Variants in SHLD1 observed in about 807,000 individuals in gnomAD.
SHLD1 encodes shieldin complex subunit 1.
SHLD1 carries 3 observed loss-of-function variants against 5.5 expected under a neutral mutation model. The ratio of observed to expected loss-of-function variants is 0.54; its 90% CI spans 0.25 to 1.40. The LOEUF is 1.40. SHLD1 is among the 40% of genes most tolerant of loss of function. The probability of loss-of-function intolerance (pLI) is 0.15; values close to 1 mark genes in which losing one functional copy is unlikely to be tolerated. For missense variants in SHLD1, 210 were observed against 244.4 expected (o/e 0.86, Z 0.94); for synonymous variants, 92 against 94.3 (o/e 0.98, Z 0.14).
chr20:5,779,501 T>G (rs1985591472), intron 2 of SHLD1, among the ~76,000 whole-genome samples: 1 of 152,190 alleles, frequency 6.6e-6, no homozygotes, highest in Non-Finnish European at 1.5e-5. Context: ...TTAATCTAAT[T>G]CTGATGACTC....
rs1467661351 is a variant in SHLD1, at chr20:5,764,135, A to ATATAT, written c.-4-8727_-4-8726insTATAT. ...GAGCAAGGCTCTGTCTCAAAAAAAA[A>ATATAT]AAAAATATATATATATTTATATTTA... On this transcript the variant is annotated intron_variant, in intron 1 of 2. Transcript: ENST00000303142. 2.3e-3 allele frequency among the ~76,000 whole-genome samples: 219 copies of ATATAT among 96,216 alleles called. 3 individuals are homozygous for ATATAT. In the East Asian group the frequency reaches 0.031, roughly 14 times the overall value. The allele number at this position is 96,216 out of a possible 152,430, so 63.1% of individuals were successfully genotyped here.
intron 2 of SHLD1, among the ~76,000 whole-genome samples, chr20:5,776,591 T>A (rs1297421179): frequency 2.0e-5 from 3 of 151,850 alleles, no homozygotes; most frequent in Non-Finnish European, 4.4e-5. Context: ...GGTAAAACCC[T>A]GTCTCTAATA....
chr20:5,832,587 G>A (rs1344206630), intron 2 of SHLD1, among the ~76,000 whole-genome samples: 1 of 152,036 alleles, frequency 6.6e-6, no homozygotes, highest in Non-Finnish European at 1.5e-5. Flanking sequence ...ATAGGCATGT[G>A]TCATCACACC....
intron 2 of SHLD1, among the ~76,000 whole-genome samples, chr20:5,850,022 TA>T (rs2087985544): frequency 6.8e-6 from 1 of 147,506 alleles, no homozygotes; most frequent in South Asian, 2.1e-4. Context: ...CTTATGCCTG[TA>T]ATCTCAGCAC....
At chr20:5,794,440 AG>A (rs1372925148) in intron 2 of SHLD1, among the ~76,000 whole-genome samples, 2 of 152,248 alleles carry the variant, frequency 1.3e-5, no homozygotes, top group Admixed American at 1.3e-4. Context: ...TTCCTGGGAC[AG>A]GCCCCTTACA....
intron 2 of SHLD1, among the ~76,000 whole-genome samples, chr20:5,844,141 T>C (rs76821957): frequency 6.6e-6 from 1 of 152,184 alleles, no homozygotes; most frequent in African/African-American, 2.4e-5. Flanking sequence ...TTGAGAGTGA[T>C]CTCCTATAAC....
At chr20:5,812,081 TTTTTTTTTC>T (rs1458627777) in intron 2 of SHLD1, among the ~76,000 whole-genome samples, 24 of 149,006 alleles carry the variant, frequency 1.6e-4, no homozygotes, top group African/African-American at 6.0e-4. Context: ...TTTTTTTTTC[TTTTTTTTTC>T]TTTTTTTTTT....
At chr20:5,815,268 A>G (rs575364630) in intron 2 of SHLD1, among the ~76,000 whole-genome samples, 1 of 152,186 alleles carries the variant, frequency 6.6e-6, no homozygotes, top group Non-Finnish European at 1.5e-5. Context: ...TTTAATTGGT[A>G]TATAGGGCAG....
At chr20:5,844,795 A>ATTTTTTTTTTTTT (rs1258738443) in intron 2 of SHLD1, among the ~76,000 whole-genome samples, 1 of 105,064 alleles carries the variant, frequency 9.5e-6, no homozygotes, top group Admixed American at 1.0e-4. Flanking sequence ...ATATATATAT[A>ATTTTTTTTTTTTT]TATATTTTTT....
intron 1 of SHLD1, chr20:5,771,929 C>T (rs565924245): frequency 6.1e-6 from 2 of 330,424 alleles, no homozygotes; most frequent in Non-Finnish European, 5.8e-6. Flanking sequence ...GGCTGGAGTG[C>T]AATAGCACGG....
chr20:5,791,301 C>G (rs2087135784), intron 2 of SHLD1, among the ~76,000 whole-genome samples: 1 of 151,620 alleles, frequency 6.6e-6, no homozygotes, highest in Non-Finnish European at 1.5e-5. Flanking sequence ...ACAGTGGCTT[C>G]CACCTGTAAT....
chr20:5,764,158 T>TATATATAAAATA (rs1568490077), intron 1 of SHLD1, among the ~76,000 whole-genome samples: 1 of 72,048 alleles, frequency 1.4e-5, no homozygotes, highest in African/African-American at 5.2e-5. Context: ...ATATTTATAT[T>TATATATAAAATA]TATATATATA....
At chr20:5,823,773 GT>G (rs2087635140) in intron 2 of SHLD1, among the ~76,000 whole-genome samples, 1 of 152,086 alleles carries the variant, frequency 6.6e-6, no homozygotes, top group Non-Finnish European at 1.5e-5. Flanking sequence ...TTCTAAGAAA[GT>G]TTACACAGTT....
At chr20:5,846,032 C>G (rs1417481183) in intron 2 of SHLD1, among the ~76,000 whole-genome samples, 1 of 152,314 alleles carries the variant, frequency 6.6e-6, no homozygotes, top group East Asian at 1.9e-4. Context: ...AAATCCACAT[C>G]TAACAAAACT....
intron 2 of SHLD1, among the ~76,000 whole-genome samples, chr20:5,776,608 C>A (rs758980715): frequency 1.1e-4 from 16 of 151,798 alleles, no homozygotes; most frequent in Non-Finnish European, 2.4e-4. Flanking sequence ...AATAAAAATA[C>A]AAAAATTAGC....
At chr20:5,832,673 C>A (rs964677488) in intron 2 of SHLD1, among the ~76,000 whole-genome samples, 1 of 152,004 alleles carries the variant, frequency 6.6e-6, no homozygotes, top group Non-Finnish European at 1.5e-5. Context: ...AAAAAGTATT[C>A]TTCCGGGGTA....
At chr20:5,838,055 C>T (rs1029790862) in intron 2 of SHLD1, among the ~76,000 whole-genome samples, 3 of 152,112 alleles carry the variant, frequency 2.0e-5, no homozygotes, top group Non-Finnish European at 4.4e-5. Flanking sequence ...CATTTAGTAG[C>T]GATCAATCTT....
chr20:5,759,828 A>C (rs1175615768), intron 1 of SHLD1, among the ~76,000 whole-genome samples: 2 of 152,184 alleles, frequency 1.3e-5, no homozygotes, highest in Non-Finnish European at 2.9e-5. Context: ...GGCATTAGCC[A>C]CTGTGCCCAG....
At chr20:5,814,654 CTTTTTTTTTT>C (rs148119460) in intron 2 of SHLD1, among the ~76,000 whole-genome samples, 4 of 103,810 alleles carry the variant, frequency 3.9e-5, no homozygotes, top group African/African-American at 1.5e-4. Flanking sequence ...TTTTCTTCTT[CTTTTTTTTTT>C]TTTTTTTTTT....
Sources: gnomAD v4.1 joint callset for allele counts (sites outside exome capture counted in the v4.1 genomes callset) on GRCh38, gnomAD v4.1.1 for gene constraint, MANE v1.5 for transcripts, NCBI Gene and HGNC (gene_info 2026-07-23, HGNC 2026-07-21) for gene names.